Variants in MRPS27 observed in about 807,000 individuals in gnomAD.
The protein encoded by MRPS27 is mitochondrial ribosomal protein S27.
MRPS27 carries 43 observed loss-of-function variants against 48.9 expected under a neutral mutation model. That is an observed-to-expected ratio of 0.88 (90% CI 0.69 to 1.13). The LOEUF is 1.13. Ranked by LOEUF, MRPS27 falls within the 50% of genes most tolerant of loss-of-function variation. The pLI, the probability that MRPS27 is intolerant of heterozygous loss-of-function variation, is 0.00. For missense variants in MRPS27, 467 were observed against 476.3 expected, an observed-to-expected ratio of 0.98 and a Z score of 0.18; for synonymous variants, 188 against 171.9, an observed-to-expected ratio of 1.09 and a Z score of -0.73.
intron 4 of MRPS27, among the ~76,000 whole-genome samples, chr5:72,275,641 T>C (rs541891551): frequency 5.9e-5 from 9 of 152,336 alleles, no homozygotes; most frequent in South Asian, 4.1e-4. Context: ...AAAGGATTCT[T>C]AGCAAAGCAA....
intron 7 of MRPS27, among the ~76,000 whole-genome samples, 188 bp downstream of exon 7, chr5:72,232,255 G>A (rs1273567369): frequency 6.6e-6 from 1 of 152,144 alleles, no homozygotes; most frequent in Admixed American, 6.6e-5. Flanking sequence ...TTTCTTTTGA[G>A]ATTCTCTCAA....
chr5:72,320,047 G>T, intron 1 of MRPS27, 102 bp downstream of exon 1: 1 of 1,235,990 alleles, frequency 8.1e-7, no homozygotes, highest in Non-Finnish European at 1.2e-6. Context: ...GGCGTCCCTA[G>T]CAATCAGATT....
chr5:72,299,519 G>C (rs1260203406), intron 2 of MRPS27, among the ~76,000 whole-genome samples: 2 of 152,152 alleles, frequency 1.3e-5, no homozygotes, highest in Non-Finnish European at 2.9e-5. Flanking sequence ...CTATATATCA[G>C]GTTATAGGTG....
intron 1 of MRPS27, among the ~76,000 whole-genome samples, chr5:72,318,743 G>C (rs1178587973): frequency 1.3e-5 from 2 of 149,928 alleles, no homozygotes; most frequent in African/African-American, 4.9e-5. Context: ...GCAGTAAGCC[G>C]AGATCGTGCC....
At chr5:72,279,781 A>G (rs1345014634) in intron 4 of MRPS27, among the ~76,000 whole-genome samples, 2 of 152,180 alleles carry the variant, frequency 1.3e-5, no homozygotes, top group African/African-American at 4.8e-5. Context: ...GTTCAAAAAA[A>G]AACAAATCCT....
chr5:72,306,476 C>T (rs532846776), intron 2 of MRPS27, among the ~76,000 whole-genome samples: 2 of 152,214 alleles, frequency 1.3e-5, no homozygotes, highest in South Asian at 2.1e-4. Context: ...CAGAGGAGCA[C>T]GCTAAACACC....
At chr5:72,248,821 C>A (rs1221617253) in intron 4 of MRPS27, among the ~76,000 whole-genome samples, 1 of 152,092 alleles carries the variant, frequency 6.6e-6, no homozygotes, top group Admixed American at 6.5e-5. Context: ...ACACAGGGAG[C>A]ATCTTCTGCA....
intron 4 of MRPS27, among the ~76,000 whole-genome samples, chr5:72,244,038 AT>A (rs1748438200): frequency 6.6e-6 from 1 of 152,212 alleles, no homozygotes; most frequent in South Asian, 2.1e-4. Context: ...AAATAAGATA[AT>A]AAAACCACCA....
At position 72,291,391 on chromosome 5, in the gene MRPS27, C is replaced by T. The variant is rs1410179612; in HGVS notation, c.281+4140G>A. Among the ~76,000 whole-genome samples the T allele has an allele frequency of 4.6e-5, 7 of 152,120 alleles. No individual in the cohort carries two copies. The South Asian group carries it at 1.5e-3, about 32-fold the overall frequency. ...GCTTCTCAGAATTAGTTTCTTACAA[C>T]AGAAACCAATTATATTGAAATACAA... On this transcript the variant is annotated intron_variant, in intron 4 of 10. Transcript: ENST00000261413.
intron 4 of MRPS27, among the ~76,000 whole-genome samples, chr5:72,272,193 T>G (rs1749266581): frequency 6.6e-6 from 1 of 152,214 alleles, no homozygotes; most frequent in Non-Finnish European, 1.5e-5. Context: ...CTACAGCCTG[T>G]GAGCCAAGAA....
intron 4 of MRPS27, among the ~76,000 whole-genome samples, chr5:72,259,008 T>C (rs1748890337): frequency 6.6e-6 from 1 of 152,106 alleles, no homozygotes; most frequent in African/African-American, 2.4e-5. Context: ...GCATATTATA[T>C]CTACTTTCTC....
intron 4 of MRPS27, among the ~76,000 whole-genome samples, chr5:72,277,620 A>C (rs964624969): frequency 6.6e-6 from 1 of 152,160 alleles, no homozygotes; most frequent in Non-Finnish European, 1.5e-5. Flanking sequence ...AAGAAAAGAA[A>C]AAAAAAGATA....
intron 3 of MRPS27, among the ~76,000 whole-genome samples, 200 bp from the exon 4 acceptor site, chr5:72,295,789 A>G (rs1270976008): frequency 2.6e-5 from 4 of 152,190 alleles, no homozygotes; most frequent in Non-Finnish European, 5.9e-5. Flanking sequence ...AAGAATATAC[A>G]ATGGCTTCTC....
intron 6 of MRPS27, among the ~76,000 whole-genome samples, chr5:72,233,879 C>A (rs1748125091): frequency 6.6e-6 from 1 of 152,076 alleles, no homozygotes; most frequent in Admixed American, 6.6e-5. Flanking sequence ...ATTAGATTGG[C>A]CTGTATAATT....
chr5:72,318,702 G>C (rs1488017489), intron 1 of MRPS27, among the ~76,000 whole-genome samples: 2 of 151,632 alleles, frequency 1.3e-5, no homozygotes, highest in Non-Finnish European at 2.9e-5. Context: ...GCTGAGGCAG[G>C]AGAATCACTT....
chr5:72,235,784 C>T (rs1748186617), intron 5 of MRPS27, among the ~76,000 whole-genome samples: 1 of 152,148 alleles, frequency 6.6e-6, no homozygotes, highest in South Asian at 2.1e-4. Context: ...CCTAGAACAG[C>T]ACTTGCTTCT....
At chr5:72,270,193 C>CAAT (rs66874536) in intron 4 of MRPS27, among the ~76,000 whole-genome samples, 16,208 of 140,112 alleles carry the variant, frequency 0.12, 1,134 homozygotes, top group East Asian at 0.23. Context: ...AACTCCATCT[C>CAAT]AATAATAATA....
At chr5:72,267,835 GA>G (rs565749167) in intron 4 of MRPS27, among the ~76,000 whole-genome samples, 3,760 of 144,618 alleles carry the variant, frequency 0.026, 60 homozygotes, top group Middle Eastern at 0.067. Flanking sequence ...AGGTCATTAA[GA>G]AAAAAAAAAA....
chr5:72,257,469 C>T (rs1748840631), intron 4 of MRPS27, among the ~76,000 whole-genome samples: 1 of 152,190 alleles, frequency 6.6e-6, no homozygotes, highest in African/African-American at 2.4e-5. Flanking sequence ...ATGGCTGCTA[C>T]GTTCATCCAT....
Sources: allele counts gnomAD v4.1 joint callset (sites outside exome capture counted in the v4.1 genomes callset), GRCh38; gene constraint gnomAD v4.1.1; transcripts MANE v1.5; gene names NCBI Gene and HGNC (gene_info 2026-07-23, HGNC 2026-07-21).